MAP3K7CL: variants seen among roughly 807,000 people sequenced by gnomAD.
MAP3K7CL encodes MAP3K7 C-terminal-like protein.
MAP3K7CL carries 16 observed loss-of-function variants against 18.6 expected under a neutral mutation model. That is an observed-to-expected ratio of 0.86 (90% CI 0.58 to 1.31). The LOEUF is 1.31. Among genes scored for constraint, MAP3K7CL ranks in the 50% most tolerant of loss-of-function variants. MAP3K7CL has a pLI of 0.00. For synonymous variants in MAP3K7CL, 65 were observed against 66.8 expected, an observed-to-expected ratio of 0.97 and a Z score of 0.13; for missense variants, 163 against 174.4, an observed-to-expected ratio of 0.93 and a Z score of 0.37.
chr21:29,115,988 G>T (rs536844546), intron 4 of MAP3K7CL, among the ~76,000 whole-genome samples: 11 of 152,354 alleles, frequency 7.2e-5, no homozygotes, highest in African/African-American at 2.6e-4. Flanking sequence ...TGGTGGTAAA[G>T]CGAGCCTTGG....
chr21:29,081,439 G>T (rs1326987475), upstream of MAP3K7CL, among the ~76,000 whole-genome samples: 1 of 152,224 alleles, frequency 6.6e-6, no homozygotes, highest in Non-Finnish European at 1.5e-5. Context: ...TGTAGTCCCA[G>T]CTACTCGGGA....
intron 3 of MAP3K7CL, chr21:29,092,404 A>C (rs1365665620): frequency 1.1e-5 from 17 of 1,612,512 alleles, no homozygotes; most frequent in Non-Finnish European, 1.4e-5. Context: ...CATTTGTCTC[A>C]TCATGACTTT....
At chr21:29,162,537 G>A (rs2146733798) in intron 4 of MAP3K7CL, among the ~76,000 whole-genome samples, 1 of 150,700 alleles carries the variant, frequency 6.6e-6, no homozygotes, top group East Asian at 2.0e-4. Flanking sequence ...ACAAAAATTA[G>A]CCTGGTGTAG....
intron 2 of MAP3K7CL, among the ~76,000 whole-genome samples, chr21:29,134,177 CT>C (rs2086835699): frequency 6.6e-6 from 1 of 151,174 alleles, no homozygotes; most frequent in African/African-American, 2.4e-5. Context: ...TTTGAGGACT[CT>C]CTCTCTCTCT....
rs372343078 is a variant in MAP3K7CL at position 29,143,484 on chromosome 21, G to A, written c.71-5705G>A. Among the ~76,000 whole-genome samples, 17 of 151,634 alleles carry A rather than the reference G, an allele frequency of 1.1e-4. No homozygotes were observed. The East Asian group carries it at 1.2e-3, about 10-fold the overall frequency. On this transcript the variant is annotated intron_variant, in intron 2 of 4. Coordinates refer to ENST00000399928, the MANE Select transcript of MAP3K7CL (RefSeq NM_001286620.2). ...GTTGCCCAGGCTGGAGTACAGTTGC[G>A]CAATCTCGGCTCACTGCAACCTCCG...
At chr21:29,122,056 AC>A (rs1473981589) in intron 4 of MAP3K7CL, 1 of 152,024 alleles carries the variant, frequency 6.6e-6, no homozygotes, top group Non-Finnish European at 1.5e-5. Flanking sequence ...ATGTTTGTGC[AC>A]CTGTTTGGTT....
chr21:29,145,977 G>A (rs773201880), intron 2 of MAP3K7CL, among the ~76,000 whole-genome samples: 8 of 152,026 alleles, frequency 5.3e-5, no homozygotes, highest in Non-Finnish European at 8.8e-5. Context: ...AAATAAGGAC[G>A]TCGATTTCCA....
intron 1 of MAP3K7CL, chr21:29,080,448 CA>C (rs1322726051): frequency 6.6e-6 from 1 of 152,250 alleles, no homozygotes; most frequent in Non-Finnish European, 1.5e-5. Context: ...CATGGGTGTC[CA>C]GGGGCCAGGG....
chr21:29,103,479 C>T (rs1045595609), intron 4 of MAP3K7CL, among the ~76,000 whole-genome samples: 16 of 152,016 alleles, frequency 1.1e-4, no homozygotes, highest in Admixed American at 9.2e-4. Context: ...GCCTGTAATC[C>T]CAGCACTTTG....
At chr21:29,145,472 T>C (rs2087108065) in intron 2 of MAP3K7CL, 1 of 152,356 alleles carries the variant, frequency 6.6e-6, no homozygotes, top group Non-Finnish European at 1.5e-5. Context: ...GCATGAGTCA[T>C]TTTCCTTCTT....
At chr21:29,148,165 A>C (rs150589663) in intron 2 of MAP3K7CL, among the ~76,000 whole-genome samples, 1 of 151,874 alleles carries the variant, frequency 6.6e-6, no homozygotes, top group Non-Finnish European at 1.5e-5. Context: ...TCTGTACTGT[A>C]CCTGTACTGT....
chr21:29,086,205 G>A (rs758678855), intron 1 of MAP3K7CL, among the ~76,000 whole-genome samples: 5 of 152,106 alleles, frequency 3.3e-5, no homozygotes, highest in African/African-American at 7.2e-5. Context: ...GATATCCTGC[G>A]GAAAAAATAA....
In MAP3K7CL at chr21:29,115,076, G is replaced by A. The variant is rs1032764883; in HGVS notation, c.370+22495G>A. Among the ~76,000 whole-genome samples the A allele has an allele frequency of 2.6e-5, 4 of 152,166 alleles. No homozygotes were observed. In the East Asian group the frequency reaches 5.8e-4, roughly 22 times the overall value. On this transcript the variant is annotated intron_variant, in intron 4 of 6. Transcript: ENST00000286791. ...AGCAGGGGGTTTGGGCTGTTTTCAC[G>A]TCTATATAAGGCAGTGCAGAGTGCT...
At chr21:29,084,019 A>G (rs2085882993), upstream of MAP3K7CL, among the ~76,000 whole-genome samples, 1 of 147,918 alleles carries the variant, frequency 6.8e-6, no homozygotes, top group Non-Finnish European at 1.5e-5. Flanking sequence ...ATATTTTATG[A>G]CATATATGTA....
At chr21:29,085,701 G>A (rs1414823740), upstream of MAP3K7CL, 1 of 615,062 alleles carries the variant, frequency 1.6e-6, no homozygotes, top group Non-Finnish European at 2.9e-6. Flanking sequence ...GTATGTGAAT[G>A]AAATGTTACT....
At chr21:29,164,918 A>G (rs1438605850) in intron 4 of MAP3K7CL, among the ~76,000 whole-genome samples, 1 of 152,226 alleles carries the variant, frequency 6.6e-6, no homozygotes, top group African/African-American at 2.4e-5. Context: ...CATATACAGT[A>G]ACGTGGAATG....
chr21:29,121,837 AAG>A (rs1286691452), intron 4 of MAP3K7CL, among the ~76,000 whole-genome samples: 2 of 151,802 alleles, frequency 1.3e-5, no homozygotes, highest in South Asian at 4.2e-4. Flanking sequence ...TTGGGGAAAA[AAG>A]AGAGAGACCA....
At chr21:29,174,615 A>G in intron 4 of MAP3K7CL, 97 bp from the exon 5 acceptor site, 1 of 1,437,168 alleles carries the variant, frequency 7.0e-7, no homozygotes, top group Non-Finnish European at 9.5e-7. Context: ...AGAACAGCAG[A>G]ATGAATCATT....
At chr21:29,156,177 A>G (rs2146710828) in intron 3 of MAP3K7CL, among the ~76,000 whole-genome samples, 1 of 152,390 alleles carries the variant, frequency 6.6e-6, no homozygotes, top group Middle Eastern at 3.4e-3. Context: ...AAAAATAATT[A>G]ACTATCAACA....
Sources: gnomAD v4.1 joint callset for allele counts (sites outside exome capture counted in the v4.1 genomes callset) on GRCh38, gnomAD v4.1.1 for gene constraint, MANE v1.5 for transcripts, NCBI Gene and HGNC (gene_info 2026-07-23, HGNC 2026-07-21) for gene names.